The following POU2F1 variants were observed in gnomAD, a reference collection of about 807,000 sequenced individuals.
POU2F1 encodes POU class 2 homeobox 1, also known as POU domain, class 2, transcription factor 1.
POU2F1 carries 16 observed loss-of-function variants against 84.9 expected under a neutral mutation model. The ratio of observed to expected loss-of-function variants is 0.19; its 90% CI spans 0.13 to 0.29. The LOEUF (loss-of-function observed/expected upper bound fraction) is 0.29, where lower values mean the gene tolerates loss of function less well. Ranked by LOEUF, POU2F1 falls within the 10% of genes least tolerant of loss-of-function variation. The pLI is 1.00. For missense variants in POU2F1, 738 were observed against 942.6 expected (o/e 0.78, Z 2.84); for synonymous variants, 368 against 368.3 (o/e 1.00, Z 0.01).
intron 1 of POU2F1, among the ~76,000 whole-genome samples, chr1:167,265,930 C>T (rs1369274204): frequency 2.0e-5 from 3 of 152,220 alleles, no homozygotes; most frequent in Admixed American, 6.5e-5. Context: ...TATGTCAATG[C>T]TAAGCCTGCA....
chr1:167,308,992 T>A (rs1189037256), intron 1 of POU2F1, among the ~76,000 whole-genome samples: 2 of 151,998 alleles, frequency 1.3e-5, no homozygotes, highest in Non-Finnish European at 2.9e-5. Flanking sequence ...ATTCATTCAT[T>A]TTTTTTTCCT....
chr1:167,403,545 T>G (rs1337925346), intron 13 of POU2F1, among the ~76,000 whole-genome samples: 1 of 152,256 alleles, frequency 6.6e-6, no homozygotes, highest in Admixed American at 6.5e-5. Context: ...GTAACTTTCT[T>G]GTACAGCCTC....
intron 1 of POU2F1, among the ~76,000 whole-genome samples, chr1:167,232,885 T>G (rs987690825): frequency 5.3e-5 from 8 of 152,084 alleles, no homozygotes; most frequent in Non-Finnish European, 1.2e-4. Context: ...GTTAATTTAT[T>G]ATTGAACACA....
At chr1:167,280,188 G>T (rs79438638) in intron 1 of POU2F1, among the ~76,000 whole-genome samples, 20 of 25,686 alleles carry the variant, frequency 7.8e-4, no homozygotes, top group Non-Finnish European at 2.4e-3. Context: ...ACTCTGTCTC[G>T]GGGAAAAAAA....
At chr1:167,373,787 G>A (rs1181338528) in intron 5 of POU2F1, among the ~76,000 whole-genome samples, 1 of 151,434 alleles carries the variant, frequency 6.6e-6, no homozygotes, top group Non-Finnish European at 1.5e-5. Flanking sequence ...TTGGTTGTGT[G>A]TAAATGTATT....
chr1:167,316,334 T>A (rs1216394067), intron 1 of POU2F1, among the ~76,000 whole-genome samples: 2 of 152,132 alleles, frequency 1.3e-5, no homozygotes, highest in Non-Finnish European at 2.9e-5. Flanking sequence ...TCTAGTAATT[T>A]CAAAATAAAA....
chr1:167,329,389 CGCATAT>C, intron 1 of POU2F1: 4 of 1,454,260 alleles, frequency 2.8e-6, no homozygotes, highest in Non-Finnish European at 3.7e-6. Flanking sequence ...AATGCTTAAT[CGCATAT>C]GCAGCCTGTG....
intron 1 of POU2F1, among the ~76,000 whole-genome samples, chr1:167,310,983 C>T (rs1655429281): frequency 6.6e-6 from 1 of 151,950 alleles, no homozygotes; most frequent in Non-Finnish European, 1.5e-5. Context: ...ATCAGTGGAC[C>T]CTCAGGGACC....
At chr1:167,336,782 A>C (rs1051589867) in intron 2 of POU2F1, among the ~76,000 whole-genome samples, 5 of 152,128 alleles carry the variant, frequency 3.3e-5, no homozygotes, top group African/African-American at 9.7e-5. Flanking sequence ...TAATCCCAGC[A>C]CTTTGGGAGG....
intron 2 of POU2F1, among the ~76,000 whole-genome samples, chr1:167,364,103 T>C (rs1425836233): frequency 6.6e-6 from 1 of 152,234 alleles, no homozygotes; most frequent in Non-Finnish European, 1.5e-5. Flanking sequence ...GTACATAATG[T>C]TCTGGCTTTT....
intron 9 of POU2F1, among the ~76,000 whole-genome samples, chr1:167,396,030 G>T (rs113694061): frequency 6.6e-5 from 10 of 152,286 alleles, no homozygotes; most frequent in African/African-American, 1.7e-4. Flanking sequence ...ATTACATAAG[G>T]TGGCAAGAAG....
chr1:167,290,396 C>CA (rs34458907), intron 1 of POU2F1, among the ~76,000 whole-genome samples: 5 of 151,468 alleles, frequency 3.3e-5, no homozygotes, highest in Admixed American at 6.6e-5. Context: ...GGCCCTGTCT[C>CA]AAAAAAAAGT....
Position 167,416,058 on chromosome 1 carries a change from A to G in POU2F1, c.*248A>G, listed in dbSNP as rs1650291467. On this transcript the variant is annotated 3_prime_UTR_variant, in exon 16 of 16. Transcript: ENST00000367866. ...AACACTGTCTTTTCAGGATTGCTTC[A>G]TGGATTGGAGAACTTTCTAACCAAA... 1 of 611,986 alleles carries G rather than the reference A, an allele frequency of 1.6e-6. No homozygotes were observed. The highest frequency in any genetic ancestry group is 1.8e-5 in the South Asian group (1 of 56,274). The allele number at this position is 611,986 out of a possible 1,614,324, so 37.9% of individuals were successfully genotyped here.
intron 1 of POU2F1, among the ~76,000 whole-genome samples, chr1:167,313,568 G>A (rs1408668957): frequency 1.3e-5 from 2 of 152,018 alleles, no homozygotes; most frequent in South Asian, 2.1e-4. Flanking sequence ...ACAATTCAAT[G>A]GAGTAAGGAC....
At chr1:167,347,371 T>C (rs1658270479) in intron 2 of POU2F1, among the ~76,000 whole-genome samples, 1 of 152,184 alleles carries the variant, frequency 6.6e-6, no homozygotes, top group Admixed American at 6.5e-5. Context: ...AAATTGTTAA[T>C]CTTATTTTCA....
At chr1:167,406,738 T>TGAAA (rs1553223117) in intron 13 of POU2F1, among the ~76,000 whole-genome samples, 3 of 152,072 alleles carry the variant, frequency 2.0e-5, no homozygotes, top group Non-Finnish European at 2.9e-5. Flanking sequence ...AGTTCAAAAA[T>TGAAA]GAAATTTAGG....
intron 3 of POU2F1, among the ~76,000 whole-genome samples, chr1:167,367,580 T>C (rs1659762226): frequency 6.6e-6 from 1 of 151,982 alleles, no homozygotes; most frequent in South Asian, 2.1e-4. Flanking sequence ...CTCTCTTCTT[T>C]TTATTTTTAA....
chr1:167,312,917 A>G (rs2102606644), intron 1 of POU2F1, among the ~76,000 whole-genome samples: 1 of 152,388 alleles, frequency 6.6e-6, no homozygotes, highest in Admixed American at 6.5e-5. Context: ...ACAGTTGCCT[A>G]CAGTATTCAC....
chr1:167,363,501 C>G (rs1466528874), intron 2 of POU2F1, among the ~76,000 whole-genome samples: 1 of 152,112 alleles, frequency 6.6e-6, no homozygotes, highest in African/African-American at 2.4e-5. Flanking sequence ...TGACAAAACG[C>G]ATGACTTTAA....
Sources: gnomAD v4.1 joint callset for allele counts (sites outside exome capture counted in the v4.1 genomes callset) on GRCh38, gnomAD v4.1.1 for gene constraint, MANE v1.5 for transcripts, NCBI Gene and HGNC (gene_info 2026-07-23, HGNC 2026-07-21) for gene names.